Variants in ROS1 observed in about 807,000 individuals in gnomAD.
The protein encoded by ROS1 is ROS proto-oncogene 1, receptor tyrosine kinase.
ROS1 carries 263 observed loss-of-function variants against 273.5 expected under a neutral mutation model. The observed-to-expected ratio is 0.96, with a 90% CI of 0.87 to 1.06. ROS1 has a LOEUF of 1.06. Ranked by LOEUF, ROS1 falls within the 50% of genes least tolerant of loss-of-function variation. ROS1 has a pLI of 0.00. For synonymous variants in ROS1, 1,008 were observed against 954.1 expected, an observed-to-expected ratio of 1.06 and a Z score of -1.04; for missense variants, 2,833 against 2,751.1, an observed-to-expected ratio of 1.03 and a Z score of -0.67.
At chr6:117,295,456 A>G (rs1372550111) in intron 43 of ROS1, among the ~76,000 whole-genome samples, 1 of 152,230 alleles carries the variant, frequency 6.6e-6, no homozygotes, top group African/African-American at 2.4e-5. Context: ...ACACCCCACA[A>G]GCACAGGCAG....
chr6:117,341,152 A>G lies in ROS1; in HGVS notation c.5044T>C (p.Trp1682Arg). The G allele has an allele frequency of 6.2e-7, 1 of 1,608,352 alleles. No homozygotes were observed. Among genetic ancestry groups the G allele is most frequent in the Non-Finnish European group, 8.5e-7 (1 of 1,177,894 alleles). Residue 1682 changes from tryptophan (W) to arginine (R), a missense_variant, in exon 31 of 44, where the codon TGG (tryptophan) becomes CGG (arginine). By Grantham distance (101) the Trp-to-Arg change is moderately radical. Coordinates refer to ENST00000368507, the MANE Select transcript of ROS1 (RefSeq NM_001378902.1). ...AAGTCTACCTTCTGTAGCTCAACCC[A>G]AAATCTGATGAGGTTAACATTCAAT... is the stretch of plus-strand genomic sequence containing the variant. The part of the protein sequence containing the change: ...APLNVNLIRF[W>R]VELQKWKYNE...
chr6:117,335,328 G>C (rs1309310502), intron 32 of ROS1, among the ~76,000 whole-genome samples: 2 of 152,164 alleles, frequency 1.3e-5, no homozygotes, highest in Non-Finnish European at 2.9e-5. Context: ...CTATTAAAAA[G>C]TCAGGAAACA....
chr6:117,367,303 G>A (rs1780345368), intron 18 of ROS1, among the ~76,000 whole-genome samples: 1 of 130,028 alleles, frequency 7.7e-6, no homozygotes, highest in Non-Finnish European at 1.8e-5. Flanking sequence ...TTGAAAAAAA[G>A]ACACACCCAA....
At chr6:117,371,842 A>G (rs1028286099) in intron 18 of ROS1, among the ~76,000 whole-genome samples, 3 of 152,010 alleles carry the variant, frequency 2.0e-5, no homozygotes, top group Non-Finnish European at 4.4e-5. Flanking sequence ...AGTCAGCCAT[A>G]ATATCCCTGG....
rs1002056236 is a variant in ROS1, at chr6:117,393,286, G to C, written c.1227C>G (p.Ile409Met). The C allele has an allele frequency of 6.2e-7, 1 of 1,612,170 alleles. No individual in the cohort carries two copies. Among genetic ancestry groups the C allele is most frequent in the Non-Finnish European group, 8.5e-7 (1 of 1,178,710 alleles). Residue 409 changes from isoleucine to methionine, a missense_variant, in exon 12 of 44, where the codon ATC (isoleucine) becomes ATG (methionine). Coordinates refer to ENST00000368507, the MANE Select transcript of ROS1 (RefSeq NM_001378902.1). Reference protein sequence around the residue: ...CVCDLENCSNIEEITPPSISA... With the variant: ...CVCDLENCSNMEEITPPSISA... ...TAATAGAGGGTGGAGTAATTTCCTC[G>C]ATGTTTGAGCAGTTCTCTAAATCAC...
In ROS1 at chr6:117,288,653, G is replaced by GT; in HGVS notation, c.6864_6865insA (p.Gln2289ThrfsTer4). The stretch of plus-strand genomic sequence containing the variant: ...CTCAGACCACAAGATTCAGATTCCT[G>GT]GGAGCCTAGAGGACCCTCAGACTTT... On this transcript the variant is annotated frameshift_variant, in exon 44 of 44. Transcript: ENST00000368507. LOFTEE classifies it high-confidence loss of function. The GT allele has an allele frequency of 6.2e-7, 1 of 1,614,060 alleles. No individual in the cohort carries two copies. Among genetic ancestry groups the GT allele is most frequent in the Non-Finnish European group, 8.5e-7 (1 of 1,180,016 alleles).
At chr6:117,358,440 C>G (rs1779509879) in intron 24 of ROS1, among the ~76,000 whole-genome samples, 1 of 151,990 alleles carries the variant, frequency 6.6e-6, no homozygotes, top group Admixed American at 6.5e-5. Flanking sequence ...TTGACTTCTT[C>G]TCATTACTAC....
At chr6:117,306,358 T>A (rs2128543231) in intron 42 of ROS1, among the ~76,000 whole-genome samples, 1 of 152,258 alleles carries the variant, frequency 6.6e-6, no homozygotes, top group East Asian at 1.9e-4. Context: ...CCTGAGGGAC[T>A]CTCCAGTAAT....
At chr6:117,382,571 G>A (rs1772240329) in intron 17 of ROS1, among the ~76,000 whole-genome samples, 1 of 152,028 alleles carries the variant, frequency 6.6e-6, no homozygotes, top group Non-Finnish European at 1.5e-5. Flanking sequence ...TCACTATTAT[G>A]GTCAGAAAAA....
chr6:117,360,623 T>C (rs1779721651), intron 22 of ROS1, among the ~76,000 whole-genome samples: 2 of 152,186 alleles, frequency 1.3e-5, no homozygotes, highest in African/African-American at 4.8e-5. Context: ...TCTAGAAAAG[T>C]GCAAGAATTG....
intron 1 of ROS1, among the ~76,000 whole-genome samples, chr6:117,421,390 T>C (rs1775745968): frequency 1.3e-5 from 2 of 151,820 alleles, no homozygotes; most frequent in African/African-American, 4.8e-5. Context: ...AACATGTAGT[T>C]TTTCATCCCT....
intron 7 of ROS1, among the ~76,000 whole-genome samples, chr6:117,398,087 G>T (rs1773641550): frequency 6.6e-6 from 1 of 151,780 alleles, no homozygotes; most frequent in African/African-American, 2.4e-5. Context: ...TCACTCCTCG[G>T]CTCCATGTAG....
chr6:117,325,126 A>G (rs473006), intron 34 of ROS1, among the ~76,000 whole-genome samples: 14,383 of 152,202 alleles, frequency 0.094, 866 homozygotes, highest in Middle Eastern at 0.14. Context: ...TCTGTACACA[A>G]CTAACTAGAT....
chr6:117,350,153 T>TGG (rs1778705081), intron 27 of ROS1, among the ~76,000 whole-genome samples: 1 of 152,100 alleles, frequency 6.6e-6, no homozygotes, highest in African/African-American at 2.4e-5. Flanking sequence ...GAACTTCTTT[T>TGG]AACATTTCTT....
At chr6:117,347,494 T>G (rs181132583) in intron 27 of ROS1, among the ~76,000 whole-genome samples, 45 of 152,210 alleles carry the variant, frequency 3.0e-4, no homozygotes, top group African/African-American at 9.6e-4. Context: ...ACATAGATGA[T>G]CATGTCATCT....
At chr6:117,320,075 A>G (rs1274426235) in intron 36 of ROS1, 45 bp from the exon 37 acceptor site, 1 of 1,547,980 alleles carries the variant, frequency 6.5e-7, no homozygotes, top group Non-Finnish European at 8.9e-7. Context: ...CCACATATAT[A>G]GGGTGTACAA....
In ROS1 at chr6:117,362,759, T is replaced by C. The variant is rs768189536; in HGVS notation, c.3210A>G (p.Glu1070=). ...VEFRWNKPKH[E]NGVLTKFEIF... ...TTTCAAATTTTGTTAACACCCCATT[T>C]TCATGCTTAGGTTTGTTCCACCTAA... Residue 1070 remains glutamate (E), a synonymous_variant, in exon 22 of 44, where the codon GAA becomes GAG. Coordinates refer to ENST00000368507, the MANE Select transcript of ROS1 (RefSeq NM_001378902.1). 6.2e-7 allele frequency: 1 copy of C among 1,613,844 alleles called. No individual in the cohort carries two copies. Among genetic ancestry groups the C allele is most frequent in the Non-Finnish European group, 8.5e-7 (1 of 1,179,792 alleles).
intron 32 of ROS1, among the ~76,000 whole-genome samples, chr6:117,332,858 A>T (rs1383225181): frequency 1.3e-5 from 2 of 152,188 alleles, no homozygotes; most frequent in African/African-American, 2.4e-5. Flanking sequence ...TAAGAGGAAA[A>T]TTCATAGCAC....
intron 43 of ROS1, among the ~76,000 whole-genome samples, chr6:117,292,038 C>T (rs996173043): frequency 4.6e-5 from 7 of 151,314 alleles, no homozygotes; most frequent in Admixed American, 1.3e-4. Context: ...GGTGCGATCT[C>T]GGCTCACTGC....
Sources: gnomAD v4.1 joint callset for allele counts (sites outside exome capture counted in the v4.1 genomes callset) on GRCh38, gnomAD v4.1.1 for gene constraint, MANE v1.5 for transcripts, NCBI Gene and HGNC (gene_info 2026-07-23, HGNC 2026-07-21) for gene names.